Variants in TRPM3 observed in about 807,000 individuals in gnomAD.
TRPM3 encodes long transient receptor potential channel 3.
A neutral mutation model predicts 181.2 loss-of-function variants in TRPM3; 77 were observed. That is an observed-to-expected ratio of 0.42 (90% confidence interval 0.35 to 0.51). The LOEUF (loss-of-function observed/expected upper bound fraction) is 0.51. Ranked by LOEUF, TRPM3 falls within the 20% of genes least tolerant of loss-of-function variation. The probability of loss-of-function intolerance (pLI) is 0.01; values close to 1 mark genes in which losing one functional copy is unlikely to be tolerated. For missense variants in TRPM3, 1,759 were observed against 2,196.7 expected (o/e 0.80, Z 3.98); for synonymous variants, 745 against 796.4 (o/e 0.94, Z 1.09).
intron 1 of TRPM3, among the ~76,000 whole-genome samples, chr9:71,083,446 T>G (rs181663403): frequency 6.6e-6 from 1 of 152,176 alleles, no homozygotes; most frequent in Admixed American, 6.6e-5. Context: ...TCCCGATCCT[T>G]CATCCTGCCT....
At chr9:70,623,251 G>C (rs1266381695) in intron 14 of TRPM3, among the ~76,000 whole-genome samples, 1 of 151,618 alleles carries the variant, frequency 6.6e-6, no homozygotes, top group East Asian at 1.9e-4. Context: ...CTGTAATGCC[G>C]GCTACTCGGG....
intron 1 of TRPM3, among the ~76,000 whole-genome samples, chr9:71,175,990 G>A (rs1046986384): frequency 1.3e-5 from 2 of 152,132 alleles, no homozygotes; most frequent in Admixed American, 1.3e-4. Flanking sequence ...TCACATGTTT[G>A]TGGTGATCTT....
At chr9:70,912,733 C>G (rs555176420) in intron 1 of TRPM3, among the ~76,000 whole-genome samples, 3 of 152,150 alleles carry the variant, frequency 2.0e-5, no homozygotes, top group Admixed American at 6.5e-5. Context: ...AGAAGAGAAG[C>G]AAACTAAAAT....
intron 1 of TRPM3, among the ~76,000 whole-genome samples, chr9:71,243,950 T>G (rs10746866): frequency 0.43 from 65,149 of 151,950 alleles, 14,348 homozygotes; most frequent in East Asian, 0.52. Flanking sequence ...ATTCCTCTCT[T>G]TGTCCCACAC....
At chr9:71,174,441 C>T (rs2077010336) in intron 1 of TRPM3, among the ~76,000 whole-genome samples, 1 of 152,010 alleles carries the variant, frequency 6.6e-6, no homozygotes, top group Non-Finnish European at 1.5e-5. Context: ...ACTTGGGAGG[C>T]TGAAGCAGGA....
At chr9:71,088,065 A>G (rs909857424) in intron 1 of TRPM3, among the ~76,000 whole-genome samples, 2 of 152,108 alleles carry the variant, frequency 1.3e-5, no homozygotes, top group African/African-American at 4.8e-5. Context: ...TGCTAGAAAT[A>G]CAAAGAGGAT....
intron 7 of TRPM3, among the ~76,000 whole-genome samples, chr9:70,764,618 T>C (rs982787667): frequency 6.6e-6 from 1 of 152,146 alleles, no homozygotes; most frequent in Admixed American, 6.6e-5. Context: ...GTTGCTGAAG[T>C]TGTGGCTTTG....
intron 1 of TRPM3, among the ~76,000 whole-genome samples, chr9:71,396,391 A>C (rs1565531265): frequency 6.6e-6 from 1 of 152,210 alleles, no homozygotes; most frequent in Non-Finnish European, 1.5e-5. Flanking sequence ...ACAACTTTTA[A>C]GAGTCCAAAA....
At chr9:71,173,142 T>C (rs1222073745) in intron 1 of TRPM3, among the ~76,000 whole-genome samples, 5 of 152,226 alleles carry the variant, frequency 3.3e-5, no homozygotes, top group Non-Finnish European at 7.3e-5. Flanking sequence ...CTAGACTATA[T>C]GTGCCTTGTC....
chr9:71,103,854 A>G (rs1565202920), intron 1 of TRPM3, among the ~76,000 whole-genome samples: 1 of 152,114 alleles, frequency 6.6e-6, no homozygotes. Context: ...TGAAATGTGG[A>G]CACTTTTCAT....
intron 1 of TRPM3, among the ~76,000 whole-genome samples, chr9:71,255,655 G>C (rs527263223): frequency 1.3e-5 from 2 of 152,280 alleles, no homozygotes; most frequent in East Asian, 3.9e-4. Context: ...TTGTTGAACT[G>C]TGTTCTTAAA....
At chr9:70,741,393 C>T (rs1435425160) in intron 8 of TRPM3, among the ~76,000 whole-genome samples, 2 of 152,128 alleles carry the variant, frequency 1.3e-5, no homozygotes, top group Non-Finnish European at 2.9e-5. Context: ...CTAGTACAAC[C>T]ACTATGAAAA....
chr9:70,768,458 C>T (rs915758110), intron 7 of TRPM3, among the ~76,000 whole-genome samples: 2 of 152,044 alleles, frequency 1.3e-5, no homozygotes, highest in Non-Finnish European at 2.9e-5. Flanking sequence ...CTTGGGTCAG[C>T]CCTTAAGGCC....
chr9:71,186,397 ATAT>A (rs1260872351), intron 1 of TRPM3, among the ~76,000 whole-genome samples: 1 of 152,070 alleles, frequency 6.6e-6, no homozygotes, highest in African/African-American at 2.4e-5. Flanking sequence ...CTAAGTAATC[ATAT>A]TATTAAGGTC....
intron 1 of TRPM3, among the ~76,000 whole-genome samples, chr9:71,218,157 C>A (rs1297096606): frequency 6.6e-6 from 1 of 152,184 alleles, no homozygotes; most frequent in Non-Finnish European, 1.5e-5. Context: ...CTTGCTCTAA[C>A]TTTCCCTATC....
At chr9:70,613,826 A>G (rs184809470) in intron 18 of TRPM3, among the ~76,000 whole-genome samples, 1 of 152,216 alleles carries the variant, frequency 6.6e-6, no homozygotes, top group Admixed American at 6.5e-5. Flanking sequence ...TTCTTGAAGG[A>G]TCAGGTTCTC....
intron 1 of TRPM3, among the ~76,000 whole-genome samples, chr9:71,203,118 G>T (rs2078907960): frequency 6.6e-6 from 1 of 152,182 alleles, no homozygotes; most frequent in African/African-American, 2.4e-5. Context: ...TTTGTAGCTG[G>T]TTCTGCTTTT....
chr9:70,892,922 C>T (rs558670221), intron 1 of TRPM3, among the ~76,000 whole-genome samples: 39 of 152,276 alleles, frequency 2.6e-4, no homozygotes, highest in African/African-American at 9.1e-4. Flanking sequence ...TTAATTTCTA[C>T]ATGACCGGCT....
At chr9:70,894,987 C>T (rs2096262378) in intron 1 of TRPM3, among the ~76,000 whole-genome samples, 1 of 152,148 alleles carries the variant, frequency 6.6e-6, no homozygotes, top group Non-Finnish European at 1.5e-5. Flanking sequence ...AGTGCCATGG[C>T]TTGGGAAGAT....
Sources: gnomAD v4.1 joint callset for allele counts (sites outside exome capture counted in the v4.1 genomes callset) on GRCh38, gnomAD v4.1.1 for gene constraint, MANE v1.5 for transcripts, NCBI Gene and HGNC (gene_info 2026-07-23, HGNC 2026-07-21) for gene names.